PHKA1: variants seen among roughly 807,000 people sequenced by gnomAD.
PHKA1 encodes phosphorylase b kinase regulatory subunit alpha, skeletal muscle isoform.
A neutral mutation model predicts 110.2 loss-of-function variants in PHKA1; 60 were observed. That is an observed-to-expected ratio of 0.54 (90% CI 0.44 to 0.68). The LOEUF (loss-of-function observed/expected upper bound fraction) is 0.68. Among genes scored for constraint, PHKA1 ranks in the 30% least tolerant of loss-of-function variants. The pLI is 0.00. For missense variants in PHKA1, 801 were observed against 942.5 expected (o/e 0.85, Z 1.97); for synonymous variants, 316 against 333.6 (o/e 0.95, Z 0.58).
intron 21 of PHKA1, among the ~76,000 whole-genome samples, chrX:72,612,611 C>T (rs2052829397): frequency 9.0e-6 from 1 of 111,690 alleles, no homozygotes; most frequent in Admixed American, 9.5e-5. Flanking sequence ...CAATAAGAGG[C>T]TGGCTAAGTA....
At chrX:72,687,468 C>T (rs1247962109) in intron 4 of PHKA1, among the ~76,000 whole-genome samples, 2 of 111,691 alleles carry the variant, frequency 1.8e-5, no homozygotes, top group Non-Finnish European at 3.8e-5. Flanking sequence ...CCATACCATA[C>T]AAATGCCACA....
At chrX:72,697,351 C>T (rs2054136893) in intron 3 of PHKA1, among the ~76,000 whole-genome samples, 1 of 110,976 alleles carries the variant, frequency 9.0e-6, no homozygotes, top group Admixed American at 9.6e-5. Flanking sequence ...AGCATTTTGT[C>T]CTAGCTGAAA....
intron 16 of PHKA1, among the ~76,000 whole-genome samples, chrX:72,632,822 T>C (rs1366950789): frequency 1.8e-5 from 2 of 112,148 alleles, no homozygotes; most frequent in Admixed American, 1.9e-4. Flanking sequence ...AATGAGTACC[T>C]GCCTGAATAA....
intron 5 of PHKA1, among the ~76,000 whole-genome samples, chrX:72,678,147 T>C (rs1770079442): frequency 8.9e-6 from 1 of 111,827 alleles, no homozygotes; most frequent in Non-Finnish European, 1.9e-5. Flanking sequence ...TTCCCCGCCA[T>C]AGCCCTGGAA....
chrX:72,699,613 C>CA (rs1379146707), intron 3 of PHKA1, among the ~76,000 whole-genome samples: 14 of 99,084 alleles, frequency 1.4e-4, no homozygotes, highest in South Asian at 4.7e-4. Flanking sequence ...CTGAGATTAA[C>CA]AAAAAAAAAT....
intron 26 of PHKA1, 24 bp from the exon 27 acceptor site, chrX:72,602,297 A>C (rs2052667892): frequency 1.1e-6 from 1 of 927,055 alleles, no homozygotes; most frequent in South Asian, 2.0e-5. Context: ...GAGATTACAG[A>C]GAAAGAGAGA....
intron 10 of PHKA1, among the ~76,000 whole-genome samples, chrX:72,655,669 C>T (rs953371212): frequency 1.8e-5 from 2 of 110,567 alleles, no homozygotes; most frequent in Non-Finnish European, 3.8e-5. Context: ...GTCGCCCAGG[C>T]TGGAGTGCAG....
chrX:72,583,929 A>G lies in PHKA1; in HGVS notation c.3297+320T>C, dbSNP rs373190589. Among the ~76,000 whole-genome samples, 16 of 112,535 alleles carry G rather than the reference A, an allele frequency of 1.4e-4. No homozygotes were observed. The East Asian group carries it at 3.4e-3, about 24-fold the overall frequency. ...TACAAACATCCTACTAGAGAAAGGT[A>G]GGAATGTGAAGGACGGGAGACATGA... On this transcript the variant is annotated intron_variant, in intron 30 of 31. Coordinates refer to ENST00000373542, the MANE Select transcript of PHKA1 (RefSeq NM_002637.4).
intron 19 of PHKA1, 28 bp downstream of exon 19, chrX:72,620,697 G>C (rs1313754314): frequency 1.7e-6 from 2 of 1,169,390 alleles, no homozygotes; most frequent in East Asian, 5.9e-5. Context: ...TCCTGTGCCT[G>C]ACTCTGGTGA....
intron 1 of PHKA1, 123 bp downstream of exon 1, chrX:72,713,670 TCACACACACA>T (rs58583639): frequency 6.3e-6 from 3 of 479,136 alleles, no homozygotes; most frequent in Admixed American, 2.9e-5. Flanking sequence ...AAGGTCTCCG[TCACACACACA>T]CACACACACA....
chrX:72,674,507 T>C (rs1328970219), intron 6 of PHKA1, among the ~76,000 whole-genome samples: 3 of 111,981 alleles, frequency 2.7e-5, no homozygotes, highest in Non-Finnish European at 3.8e-5. Flanking sequence ...TTCTAACTGG[T>C]GTGAGATGGT....
intron 5 of PHKA1, among the ~76,000 whole-genome samples, chrX:72,680,250 G>A (rs1556313607): frequency 8.9e-6 from 1 of 111,785 alleles, no homozygotes; most frequent in Admixed American, 9.4e-5. Flanking sequence ...CCAACCTCAG[G>A]TGATCCACCC....
At chrX:72,641,938 T>A (rs2053301539) in intron 14 of PHKA1, among the ~76,000 whole-genome samples, 1 of 111,859 alleles carries the variant, frequency 8.9e-6, no homozygotes, top group Non-Finnish European at 1.9e-5. Context: ...ATAGCATTTA[T>A]AAGATTGTAC....
At chrX:72,621,025 GT>G in intron 18 of PHKA1, 124 bp from the exon 19 acceptor site, 1 of 733,127 alleles carries the variant, frequency 1.4e-6, no homozygotes, top group Non-Finnish European at 2.0e-6. Context: ...GAAGTAGGTT[GT>G]TTTTAGCTCA....
intron 21 of PHKA1, among the ~76,000 whole-genome samples, chrX:72,615,739 AAAG>A (rs1423273267): frequency 1.3e-5 from 1 of 76,170 alleles, no homozygotes; most frequent in Non-Finnish European, 2.5e-5. Flanking sequence ...GGAAGGAAGG[AAAG>A]AAGGAGGGGG....
intron 29 of PHKA1, among the ~76,000 whole-genome samples, chrX:72,586,419 C>T (rs1424309864): frequency 5.4e-5 from 6 of 112,107 alleles, no homozygotes; most frequent in Non-Finnish European, 1.9e-5. Flanking sequence ...AAAACCCCAT[C>T]TGTAGGTCAC....
At chrX:72,692,507 C>G (rs1393673303) in intron 4 of PHKA1, among the ~76,000 whole-genome samples, 2 of 111,970 alleles carry the variant, frequency 1.8e-5, no homozygotes, top group Non-Finnish European at 3.8e-5. Flanking sequence ...TACTAATTCT[C>G]TTCGATTGTA....
At chrX:72,605,184 T>C (rs782067685) in intron 25 of PHKA1, 87 bp downstream of exon 25, 147 of 916,382 alleles carry the variant, frequency 1.6e-4, no homozygotes, top group Non-Finnish European at 2.3e-4. Flanking sequence ...GATAAAAATG[T>C]TTTAGCTTTC....
chrX:72,697,983 CA>C (rs201347739), intron 3 of PHKA1, among the ~76,000 whole-genome samples: 26 of 98,156 alleles, frequency 2.6e-4, no homozygotes, highest in Non-Finnish European at 2.7e-4. Flanking sequence ...GACTCTGTCT[CA>C]AAAAAAAAAA....
Sources: allele counts gnomAD v4.1 joint callset (sites outside exome capture counted in the v4.1 genomes callset), GRCh38; gene constraint gnomAD v4.1.1; transcripts MANE v1.5; gene names NCBI Gene and HGNC (gene_info 2026-07-23, HGNC 2026-07-21).